BBX: variants seen among roughly 807,000 people sequenced by gnomAD.
The protein encoded by BBX is HMG box transcription factor BBX.
In BBX, 30 loss-of-function variants were observed where a neutral mutation model predicts 100.2. The ratio of observed to expected loss-of-function variants is 0.30; its 90% CI spans 0.22 to 0.41. The LOEUF is 0.41. Ranked by LOEUF, BBX falls within the 10% of genes least tolerant of loss-of-function variation. The pLI is 1.00. For synonymous variants in BBX, 376 were observed against 388.1 expected (o/e 0.97, Z 0.37); for missense variants, 1,023 against 1,129.8 (o/e 0.91, Z 1.35).
chr3:107,531,663 A>G (rs752438102), intron 2 of BBX, among the ~76,000 whole-genome samples: 1 of 152,010 alleles, frequency 6.6e-6, no homozygotes, highest in Non-Finnish European at 1.5e-5. Context: ...CTGGACAAGT[A>G]ATTTGTTAGG....
At chr3:107,802,379 A>T (rs948496750) in intron 17 of BBX, among the ~76,000 whole-genome samples, 2 of 152,338 alleles carry the variant, frequency 1.3e-5, no homozygotes, top group East Asian at 3.9e-4. Flanking sequence ...ATTCCTCTTT[A>T]TGTGTACACT....
At chr3:107,655,171 A>G (rs1022919425) in intron 3 of BBX, among the ~76,000 whole-genome samples, 1 of 152,182 alleles carries the variant, frequency 6.6e-6, no homozygotes, top group Non-Finnish European at 1.5e-5. Context: ...ATTTCTTAAA[A>G]TATTTTCTGT....
intron 5 of BBX, 81 bp downstream of exon 5, chr3:107,716,930 T>C (rs936318115): frequency 2.7e-5 from 41 of 1,518,088 alleles, no homozygotes; most frequent in Non-Finnish European, 3.7e-5. Context: ...GAAGCACCTG[T>C]TGAAGGTCTA....
At chr3:107,610,291 T>C (rs2054746046) in intron 2 of BBX, among the ~76,000 whole-genome samples, 2 of 152,090 alleles carry the variant, frequency 1.3e-5, no homozygotes, top group Non-Finnish European at 2.9e-5. Context: ...GTTTATTTTT[T>C]AGAATGATCC....
At chr3:107,798,781 GGAA>G (rs1251257177) in intron 16 of BBX, 61 bp downstream of exon 16, 6 of 1,468,834 alleles carry the variant, frequency 4.1e-6, no homozygotes, top group African/African-American at 2.8e-5. Context: ...GGGCCACACT[GGAA>G]GAAGAATTGT....
intron 4 of BBX, among the ~76,000 whole-genome samples, chr3:107,715,075 G>A (rs1576470226): frequency 1.3e-5 from 2 of 152,028 alleles, no homozygotes; most frequent in Admixed American, 6.6e-5. Flanking sequence ...TGAGCCACCC[G>A]CCTGGCCAAG....
intron 3 of BBX, among the ~76,000 whole-genome samples, chr3:107,665,350 T>C (rs2058680809): frequency 6.6e-6 from 1 of 152,226 alleles, no homozygotes; most frequent in African/African-American, 2.4e-5. Flanking sequence ...AGCTTTACTC[T>C]ACTTTTTTTG....
At chr3:107,785,503 A>T (rs923206482) in intron 13 of BBX, among the ~76,000 whole-genome samples, 3 of 151,990 alleles carry the variant, frequency 2.0e-5, no homozygotes, top group Non-Finnish European at 2.9e-5. Flanking sequence ...ATTTTACCTC[A>T]TGACTGCAAG....
intron 2 of BBX, among the ~76,000 whole-genome samples, chr3:107,587,146 C>T (rs546360786): frequency 1.3e-5 from 2 of 151,964 alleles, no homozygotes; most frequent in South Asian, 4.1e-4. Context: ...AAAAATTAAG[C>T]TAATATTTTA....
Position 107,798,668 on chromosome 3 carries a change from A to G in BBX, c.2499A>G (p.Thr833=). The G allele has an allele frequency of 6.2e-7, 1 of 1,614,088 alleles. No homozygotes were observed. Among genetic ancestry groups the G allele is most frequent in the Non-Finnish European group, 8.5e-7 (1 of 1,180,010 alleles). Reference sequence around the variant, plus strand: ...GAAAAGCAAGGAAAACCAAGATTACACACCTTGTCAGGACAGCAGATGGCC... The same window carrying G: ...GAAAAGCAAGGAAAACCAAGATTACGCACCTTGTCAGGACAGCAGATGGCC... ...QKRKARKTKI[T]HLVRTADGRV... Residue 833 remains threonine (T), a synonymous_variant, in exon 16 of 18, where the codon ACA becomes ACG. Coordinates refer to ENST00000325805, the MANE Select transcript of BBX (RefSeq NM_001142568.3).
At chr3:107,729,282 T>C (rs1405807798) in intron 6 of BBX, among the ~76,000 whole-genome samples, 3 of 152,068 alleles carry the variant, frequency 2.0e-5, no homozygotes, top group African/African-American at 7.2e-5. Flanking sequence ...CACACACACA[T>C]ACACACTAGT....
intron 7 of BBX, among the ~76,000 whole-genome samples, chr3:107,736,581 G>T (rs2063650534): frequency 6.6e-6 from 1 of 152,026 alleles, no homozygotes; most frequent in African/African-American, 2.4e-5. Flanking sequence ...ACAAAAAATT[G>T]TCAGTACTTG....
At chr3:107,702,682 A>G (rs2061153167) in intron 3 of BBX, among the ~76,000 whole-genome samples, 1 of 152,216 alleles carries the variant, frequency 6.6e-6, no homozygotes, top group Non-Finnish European at 1.5e-5. Flanking sequence ...TTGTACAGGA[A>G]AATGATAATT....
intron 2 of BBX, among the ~76,000 whole-genome samples, chr3:107,540,993 G>A (rs951468569): frequency 6.6e-6 from 1 of 152,082 alleles, no homozygotes; most frequent in Non-Finnish European, 1.5e-5. Flanking sequence ...TCAGAGTTGG[G>A]GAGAACAAAC....
At chr3:107,581,800 T>TCATG (rs1156276247) in intron 2 of BBX, among the ~76,000 whole-genome samples, 3 of 152,162 alleles carry the variant, frequency 2.0e-5, no homozygotes, top group Admixed American at 1.3e-4. Context: ...TCATTCTTTA[T>TCATG]CATGTACTAT....
At chr3:107,768,472 C>T (rs866649454) in intron 10 of BBX, among the ~76,000 whole-genome samples, 2 of 152,148 alleles carry the variant, frequency 1.3e-5, no homozygotes, top group African/African-American at 2.4e-5. Context: ...AGGCCCTGTC[C>T]TTGGCCATGT....
chr3:107,621,207 G>C (rs1302431824), intron 2 of BBX, among the ~76,000 whole-genome samples: 4 of 152,090 alleles, frequency 2.6e-5, no homozygotes, highest in Admixed American at 2.6e-4. Flanking sequence ...CTGACTTTTG[G>C]GGGGAGCTGG....
At chr3:107,777,872 T>G (rs1323161075) in intron 12 of BBX, among the ~76,000 whole-genome samples, 1 of 152,156 alleles carries the variant, frequency 6.6e-6, no homozygotes, top group African/African-American at 2.4e-5. Flanking sequence ...TTAAAGAAAC[T>G]AATTTTACAA....
In BBX at chr3:107,809,553, A is replaced by T. The variant is rs1271097229; in HGVS notation, c.*4096A>T. ...ATGGGCTACCTCGGCTTTAAAAGTTAATTTCAGTAAGTCCTGTTTCAAAAG... is the reference window on the plus strand; with the variant it reads ...ATGGGCTACCTCGGCTTTAAAAGTTTATTTCAGTAAGTCCTGTTTCAAAAG... On this transcript the variant is annotated 3_prime_UTR_variant, in exon 18 of 18. Coordinates refer to ENST00000325805, the MANE Select transcript of BBX (RefSeq NM_001142568.3). 2.0e-5 allele frequency: 3 copies of T among 152,216 alleles called. No individual in the cohort carries two copies. The highest frequency in any genetic ancestry group is 2.0e-4 in the Admixed American group (3 of 15,288). 9.4% of individuals were successfully genotyped at this position (152,216 alleles called of 1,614,324 possible).
Sources: allele counts gnomAD v4.1 joint callset (sites outside exome capture counted in the v4.1 genomes callset), GRCh38; gene constraint gnomAD v4.1.1; transcripts MANE v1.5; gene names NCBI Gene and HGNC (gene_info 2026-07-23, HGNC 2026-07-21).